The following MMRN2 variants were observed in gnomAD, a reference collection of about 807,000 sequenced individuals.
MMRN2 encodes multimerin 2, also known as multimerin-2.
MMRN2 carries 53 observed loss-of-function variants against 68.8 expected under a neutral mutation model. The observed-to-expected ratio is 0.77, with a 90% CI of 0.62 to 0.97. MMRN2 has a LOEUF of 0.97. Ranked by LOEUF, MMRN2 falls within the 50% of genes least tolerant of loss-of-function variation. The pLI, the probability that MMRN2 is intolerant of heterozygous loss-of-function variation, is 0.00. For synonymous variants in MMRN2, 564 were observed against 551.6 expected (o/e 1.02, Z -0.32); for missense variants, 1,266 against 1,259.5 (o/e 1.01, Z -0.08).
chr10:86,951,739 C>A (rs568484244), intron 1 of MMRN2, among the ~76,000 whole-genome samples: 8 of 151,984 alleles, frequency 5.3e-5, no homozygotes, highest in African/African-American at 9.7e-5. Flanking sequence ...AGAGAAAATG[C>A]AGATGAATAA....
At position 86,942,787 on chromosome 10, in the gene MMRN2, T is replaced by C; in HGVS notation, c.1997A>G (p.Glu666Gly). ...CGGCCGCGGGGGCTCCGAGGCCTGC[T>C]CCAGGGCCGTCACTCGGGCGGCCAG... Reference protein sequence around the residue: ...DELAARVTALEQASEPPRPAE... With the variant: ...DELAARVTALGQASEPPRPAE... Residue 666 changes from glutamate to glycine, a missense_variant, in exon 6 of 7, where the codon GAG becomes GGG. Coordinates refer to ENST00000372027, the MANE Select transcript of MMRN2 (RefSeq NM_024756.3). 7.3e-7 allele frequency: 1 copy of C among 1,361,756 alleles called. No homozygotes were observed. Among genetic ancestry groups the C allele is most frequent in the South Asian group, 1.7e-5 (1 of 58,296 alleles). 84.4% of individuals were successfully genotyped at this position (1,361,756 alleles called of 1,614,324 possible). A position where few individuals can be genotyped will look rare whatever the true frequency, so the allele number is the denominator to read the frequency against.
chr10:86,942,271 C>T, intron 6 of MMRN2, 46 bp downstream of exon 6: 2 of 1,542,786 alleles, frequency 1.3e-6, no homozygotes, highest in Admixed American at 2.0e-5. Flanking sequence ...CGGCAGCCGG[C>T]CCTGGCCTCC....
At chr10:86,949,894 GATA>G (rs113215807) in intron 1 of MMRN2, 6 of 144,204 alleles carry the variant, frequency 4.2e-5, no homozygotes, top group African/African-American at 7.9e-5. Context: ...TAATAATAAT[GATA>G]ATAATAATAA....
In MMRN2 at chr10:86,943,088, T is replaced by A; in HGVS notation, c.1696A>T (p.Ser566Cys). ...TCGTCATCCAGCGCCTGCACTTGGC[T>A]CCGGAGCCGCGACGTGGCCGCCCGC... ...RARAATSRLR[S>C]QVQALDDEVG... Residue 566 changes from serine to cysteine, a missense_variant, in exon 6 of 7, where the codon AGC (serine) becomes TGC (cysteine). Ser to Cys is a moderately radical substitution (Grantham distance 112). Transcript: ENST00000372027. The surrounding 1 kb of genome is among the most constrained non-coding windows in gnomAD (Gnocchi z 4.2). The A allele has an allele frequency of 6.9e-7, 1 of 1,449,248 alleles. No homozygotes were observed. Among genetic ancestry groups the A allele is most frequent in the Non-Finnish European group, 9.0e-7 (1 of 1,110,306 alleles). The allele number at this position is 1,449,248 out of a possible 1,614,324, so 89.8% of individuals were successfully genotyped here.
At chr10:86,939,660 CAGAG>C (rs1370044421) in intron 6 of MMRN2, among the ~76,000 whole-genome samples, 2 of 150,104 alleles carry the variant, frequency 1.3e-5, no homozygotes, top group African/African-American at 5.0e-5. Context: ...AGTTCCGCCG[CAGAG>C]AGAGACCCCC....
chr10:86,942,928 A>G lies in MMRN2; in HGVS notation c.1856T>C (p.Leu619Pro). 1 of 1,498,040 alleles carries G rather than the reference A, an allele frequency of 6.7e-7. No individual in the cohort carries two copies. The highest frequency in any genetic ancestry group is 1.4e-5 in the African/African-American group (1 of 69,038). 92.8% of individuals were successfully genotyped at this position (1,498,040 alleles called of 1,614,324 possible). A position where few individuals can be genotyped will look rare whatever the true frequency, so the allele number is the denominator to read the frequency against. ...CGGCGTCTGCTCAGACATCTCCTCC[A>G]GCACCTCCTCCCCGAAGAGCGCGGC... ...VLAALFGEEV[L>P]EEMSEQTPGP... The change falls in exon 6 of 7, where the codon CTG becomes CCG. Residue 619 changes from leucine to proline, a missense_variant. Transcript: ENST00000372027.
chr10:86,953,083 C>T (rs1844166248), intron 1 of MMRN2, among the ~76,000 whole-genome samples: 1 of 152,164 alleles, frequency 6.6e-6, no homozygotes, highest in Non-Finnish European at 1.5e-5. Context: ...GGCAGTTAGA[C>T]CTTATGGTTG....
chr10:86,946,159 C>T (rs573707347), intron 1 of MMRN2, among the ~76,000 whole-genome samples: 1 of 152,342 alleles, frequency 6.6e-6, no homozygotes, highest in East Asian at 1.9e-4. Context: ...TCGAATCCCT[C>T]ACACTTTCTG....
At chr10:86,947,130 G>A (rs74153429) in intron 1 of MMRN2, among the ~76,000 whole-genome samples, 3,353 of 152,262 alleles carry the variant, frequency 0.022, 112 homozygotes, top group African/African-American at 0.074. Context: ...GGGAGGGCAA[G>A]ACGTTGGCAG....
chr10:86,945,819 G>C, intron 1 of MMRN2, 130 bp from the exon 2 acceptor site: 1 of 1,515,342 alleles, frequency 6.6e-7, no homozygotes. Flanking sequence ...ATCCTGAGAA[G>C]AGAGCCTTCC....
At position 86,936,741 on chromosome 10, in the gene MMRN2, G is replaced by T; in HGVS notation, c.*2C>A. 6.2e-7 allele frequency: 1 copy of T among 1,613,798 alleles called. No individual in the cohort carries two copies. Among genetic ancestry groups the T allele is most frequent in the South Asian group, 1.1e-5 (1 of 91,064 alleles). ...GATGTCTGATCAGATTGGGGCTGGG[G>T]TTCAGGTCTTAAACATCAGGAAGCC... On this transcript the variant is annotated 3_prime_UTR_variant, in exon 7 of 7. Transcript: ENST00000372027.
chr10:86,950,260 G>GA (rs34825884), intron 1 of MMRN2, among the ~76,000 whole-genome samples: 75,804 of 151,540 alleles, frequency 0.5, 19,160 homozygotes, highest in African/African-American at 0.56. Flanking sequence ...AGAATCGCTT[G>GA]ACCCGGGAGG....
At chr10:86,952,438 T>C (rs1844157911) in intron 1 of MMRN2, among the ~76,000 whole-genome samples, 1 of 152,196 alleles carries the variant, frequency 6.6e-6, no homozygotes, top group Admixed American at 6.5e-5. Context: ...ATACATTCTT[T>C]CTATTTTCCC....
At chr10:86,948,880 C>G (rs1460963618) in intron 1 of MMRN2, 3 of 152,158 alleles carry the variant, frequency 2.0e-5, no homozygotes, top group African/African-American at 7.2e-5. Context: ...CCCGTGAGCC[C>G]AGGAGGTTGA....
intron 6 of MMRN2, among the ~76,000 whole-genome samples, chr10:86,938,325 T>C (rs1843909495): frequency 6.6e-6 from 1 of 150,818 alleles, no homozygotes; most frequent in Non-Finnish European, 1.5e-5. Context: ...CCAAGCCTCC[T>C]GGGAACAGAC....
chr10:86,943,415 T>C lies in MMRN2; in HGVS notation c.1369A>G (p.Met457Val). 3 of 1,614,114 alleles carry C rather than the reference T, an allele frequency of 1.9e-6. No individual in the cohort carries two copies. Among genetic ancestry groups the C allele is most frequent in the Non-Finnish European group, 1.7e-6 (2 of 1,179,986 alleles). The change falls in exon 6 of 7, where the codon ATG (methionine) becomes GTG (valine). Residue 457 changes from methionine (M) to valine (V), a missense_variant. By Grantham distance (21) the Met-to-Val change is conservative. Coordinates refer to ENST00000372027, the MANE Select transcript of MMRN2 (RefSeq NM_024756.3). The surrounding 1 kb of genome is among the most constrained non-coding windows in gnomAD (Gnocchi z 4.2). ...TCCACCTCCTCCTTGTTCTCCTCCATGATCAGAGACTTCTCCATCAGGATC... is the reference window on the plus strand; with the variant it reads ...TCCACCTCCTCCTTGTTCTCCTCCACGATCAGAGACTTCTCCATCAGGATC... ...RVILMEKSLIMEENKEEVERQ... is the reference protein window; with the variant it reads ...RVILMEKSLIVEENKEEVERQ...
chr10:86,937,248 C>T, intron 6 of MMRN2, 123 bp from the exon 7 acceptor site: 5 of 1,043,606 alleles, frequency 4.8e-6, no homozygotes, highest in Non-Finnish European at 6.8e-6. Flanking sequence ...TTCTAGATAA[C>T]CTAGATATTC....
intron 6 of MMRN2, among the ~76,000 whole-genome samples, chr10:86,941,753 T>TCCCCCC (rs1818385980): frequency 7.4e-6 from 1 of 135,212 alleles, no homozygotes; most frequent in Non-Finnish European, 1.5e-5. Flanking sequence ...TGAGCCATGA[T>TCCCCCC]CCCACCACTG....
At chr10:86,956,609 C>A (rs1262531747) in intron 1 of MMRN2, among the ~76,000 whole-genome samples, 1 of 152,228 alleles carries the variant, frequency 6.6e-6, no homozygotes, top group African/African-American at 2.4e-5. Flanking sequence ...GCTGTGTGGC[C>A]TTGGGCAAGC....
Sources: gnomAD v4.1 joint callset for allele counts (sites outside exome capture counted in the v4.1 genomes callset) on GRCh38, gnomAD v4.1.1 for gene constraint, Gnocchi (gnomAD v3.1) non-coding constraint, MANE v1.5 for transcripts, NCBI Gene and HGNC (gene_info 2026-07-23, HGNC 2026-07-21) for gene names.